Variants in TBCD observed in about 807,000 individuals in gnomAD.
TBCD encodes the protein tubulin folding cofactor D.
A neutral mutation model predicts 169.3 loss-of-function variants in TBCD; 105 were observed. The ratio of observed to expected loss-of-function variants is 0.62; its 90% CI spans 0.53 to 0.73. TBCD has a LOEUF of 0.73. Ranked by LOEUF, TBCD falls within the 30% of genes least tolerant of loss-of-function variation. TBCD has a pLI of 0.00. For synonymous variants in TBCD, 700 were observed against 643.9 expected (o/e 1.09, Z -1.32); for missense variants, 1,444 against 1,600.1 (o/e 0.90, Z 1.66).
Position 82,943,014 on chromosome 17 carries a change from T to G in TBCD, c.*551T>G. ...CGTCTGCCTGGTGGGGGTGCTGTCC[T>G]CCCCCCTGTGCACACGTGAGCATCG... is the stretch of plus-strand genomic sequence containing the variant. On this transcript the variant is annotated 3_prime_UTR_variant, in exon 39 of 39. Coordinates refer to ENST00000355528, the MANE Select transcript of TBCD (RefSeq NM_005993.5). 1 of 168,886 alleles carries G rather than the reference T, an allele frequency of 5.9e-6. No homozygotes were observed. The highest frequency in any genetic ancestry group is 1.3e-5 in the Non-Finnish European group (1 of 79,226). 10.5% of individuals were successfully genotyped at this position (168,886 alleles called of 1,614,324 possible). A position where few individuals can be genotyped will look rare whatever the true frequency, so the allele number is the denominator to read the frequency against.
intron 17 of TBCD, among the ~76,000 whole-genome samples, chr17:82,898,744 G>A (rs1326489246): frequency 1.3e-5 from 2 of 152,136 alleles, no homozygotes; most frequent in Non-Finnish European, 2.9e-5. Flanking sequence ...TCTGGGTTTC[G>A]AGTCATAATT....
intron 22 of TBCD, among the ~76,000 whole-genome samples, chr17:82,910,729 C>G (rs2060578239): frequency 6.6e-6 from 1 of 152,112 alleles, no homozygotes; most frequent in Admixed American, 6.5e-5. Flanking sequence ...TCATGCCCAC[C>G]TAATTTTTGT....
At position 82,920,362 on chromosome 17, in the gene TBCD, G is replaced by A. The variant is rs575518845; in HGVS notation, c.2039-194G>A. On this transcript the variant is annotated intron_variant, in intron 23 of 38. Coordinates refer to ENST00000355528, the MANE Select transcript of TBCD (RefSeq NM_005993.5). The surrounding 1 kb of genome is among the most constrained non-coding windows in gnomAD (Gnocchi z 4.1). ...CACTTTCTTCAGGCTGCTCAGCGGA[G>A]GAGGCGTCTTGGGCTTCTCATGGTG... 14 of 618,416 alleles carry A rather than the reference G, an allele frequency of 2.3e-5. No homozygotes were observed. The highest frequency in any genetic ancestry group is 9.0e-5 in the Admixed American group (3 of 33,432). 38.3% of individuals were successfully genotyped at this position (618,416 alleles called of 1,614,324 possible).
Position 82,779,236 on chromosome 17 carries a change from C to A in TBCD, c.639-2353C>A, listed in dbSNP as rs571821649. 6.7e-3 allele frequency among the ~76,000 whole-genome samples: 1,005 copies of A among 150,830 alleles called. 12 individuals carry two copies. Among genetic ancestry groups the A allele is most frequent in the African/African-American group, 0.023 (959 of 41,002 alleles). The stretch of plus-strand genomic sequence containing the variant: ...AGACAGGCTGTTCTCGAACTTCTGA[C>A]GTCGTGATTCACCTGCCTTGGCCTC... On this transcript the variant is annotated intron_variant, in intron 6 of 38. Transcript: ENST00000355528.
At position 82,762,315 on chromosome 17, in the gene TBCD, C is replaced by CAAA. The variant is rs35386796; in HGVS notation, c.236-1633_236-1631dup. 3.4e-4 allele frequency among the ~76,000 whole-genome samples: 31 copies of CAAA among 91,416 alleles called. 1 individual carries two copies. Among genetic ancestry groups the CAAA allele is most frequent in the African/African-American group, 1.1e-3 (25 of 22,994 alleles). The allele number at this position is 91,416 out of a possible 152,430, so 60.0% of individuals were successfully genotyped here. A position where few individuals can be genotyped will look rare whatever the true frequency, so the allele number is the denominator to read the frequency against. ...TGGGTGATAGAGCGAGACTCCGTCT[C>CAAA]AAAAAAAAAAAAAAAAAAAGTAATG... is the stretch of plus-strand genomic sequence containing the variant. On this transcript the variant is annotated intron_variant, in intron 2 of 38. Coordinates refer to ENST00000355528, the MANE Select transcript of TBCD (RefSeq NM_005993.5).
intron 34 of TBCD, 89 bp from the exon 35 acceptor site, chr17:82,937,182 A>T: frequency 1.7e-6 from 2 of 1,208,702 alleles, no homozygotes; most frequent in Non-Finnish European, 2.4e-6. Context: ...CACTGGGAGG[A>T]CGGAGTTGAC....
Position 82,903,267 on chromosome 17 carries a change from G to A in TBCD, c.1731-138G>A, listed in dbSNP as rs1004429856. On this transcript the variant is annotated intron_variant, in intron 18 of 38. Coordinates refer to ENST00000355528, the MANE Select transcript of TBCD (RefSeq NM_005993.5). This position sits in a 1 kb window ranked among gnomAD's most constrained non-coding sequence, Gnocchi z 4.8. Reference sequence around the variant, plus strand: ...GAGTCGGAGGTTCTTGTACTGGTTCGTGTGAGTGAGTGAGTGAGCCTCTGC... The same window carrying A: ...GAGTCGGAGGTTCTTGTACTGGTTCATGTGAGTGAGTGAGTGAGCCTCTGC... 2.6e-5 allele frequency: 19 copies of A among 740,852 alleles called. No homozygotes were observed. Among genetic ancestry groups the A allele is most frequent in the African/African-American group, 2.5e-4 (14 of 57,140 alleles). The allele number at this position is 740,852 out of a possible 1,614,324, so 45.9% of individuals were successfully genotyped here.
rs751236472 is a variant in TBCD at position 82,831,927 on chromosome 17, G to A, written c.1318+16993G>A. The A allele has an allele frequency of 3.7e-6, 6 of 1,614,070 alleles. No individual in the cohort carries two copies. Among genetic ancestry groups the A allele is most frequent in the African/African-American group, 2.7e-5 (2 of 74,942 alleles). ...GTAAAGCCAGTGTCTCGGGCGCCTC[G>A]GCGTTGTCTGGCCCCTTGAGTCTGT... On this transcript the variant is annotated intron_variant, in intron 13 of 38. Coordinates refer to ENST00000355528, the MANE Select transcript of TBCD (RefSeq NM_005993.5). This position sits in a 1 kb window ranked among gnomAD's most constrained non-coding sequence, Gnocchi z 4.6.
chr17:82,816,700 A>G (rs1567828277), intron 13 of TBCD, among the ~76,000 whole-genome samples: 1 of 148,668 alleles, frequency 6.7e-6, no homozygotes, highest in South Asian at 2.1e-4. Flanking sequence ...TGCCACATTA[A>G]TTTTTTTTTT....
chr17:82,903,305 T>A lies in TBCD; in HGVS notation c.1731-100T>A, dbSNP rs1181109538. 5.2e-6 allele frequency: 6 copies of A among 1,145,678 alleles called. No homozygotes were observed. The African/African-American group carries it at 9.2e-5, about 18-fold the overall frequency. 71.0% of individuals were successfully genotyped at this position (1,145,678 alleles called of 1,614,324 possible). On this transcript the variant is annotated intron_variant, in intron 18 of 38. Transcript: ENST00000355528. The surrounding 1 kb of genome is among the most constrained non-coding windows in gnomAD (Gnocchi z 4.8). ...AGTGAGCCTCTGCTAAGTGGCCGGT[T>A]GAGGACTCGTGTGTTGTCTCCCTCA...
intron 6 of TBCD, among the ~76,000 whole-genome samples, chr17:82,778,874 G>C (rs999715445): frequency 6.6e-6 from 1 of 151,936 alleles, no homozygotes; most frequent in East Asian, 1.9e-4. Flanking sequence ...AGTGGCCAGG[G>C]TGGTCTCAAA....
At chr17:82,867,944 A>G (rs80191757) in intron 13 of TBCD, among the ~76,000 whole-genome samples, 3,744 of 152,014 alleles carry the variant, frequency 0.025, 179 homozygotes, top group African/African-American at 0.085. Context: ...CCCCAGGGGG[A>G]GGACTCCGGG....
chr17:82,866,564 G>A lies in TBCD; in HGVS notation c.1319-3660G>A, dbSNP rs1386672240. ...CCTGACGTCTCTTGCGGGTGTCATG[G>A]AGCAGGATTGGAGGTTTCTGAGCAG... On this transcript the variant is annotated intron_variant, in intron 13 of 38. Transcript: ENST00000355528. 2.0e-5 allele frequency among the ~76,000 whole-genome samples: 3 copies of A among 152,324 alleles called. No individual in the cohort carries two copies. The East Asian group carries it at 5.8e-4, about 29-fold the overall frequency.
intron 2 of TBCD, among the ~76,000 whole-genome samples, chr17:82,761,553 G>A (rs181657873): frequency 1.3e-5 from 2 of 152,232 alleles, no homozygotes; most frequent in Admixed American, 1.3e-4. Flanking sequence ...GGGAACCACT[G>A]TTGGTTAATG....
At chr17:82,908,420 G>C (rs769980172) in intron 21 of TBCD, 11 of 456,408 alleles carry the variant, frequency 2.4e-5, no homozygotes, top group South Asian at 1.6e-4. Context: ...GATTCTCAAA[G>C]GCTTCTGTGA....
intron 13 of TBCD, among the ~76,000 whole-genome samples, chr17:82,846,077 T>G (rs1333658787): frequency 6.6e-6 from 1 of 152,222 alleles, no homozygotes; most frequent in African/African-American, 2.4e-5. Flanking sequence ...ACCTCTCGCC[T>G]GGCTGTGTTG....
intron 17 of TBCD, among the ~76,000 whole-genome samples, chr17:82,897,347 G>T (rs558110488): frequency 1.3e-5 from 2 of 151,782 alleles, no homozygotes; most frequent in Non-Finnish European, 2.9e-5. Context: ...GTGAAACCCC[G>T]TCTCTACCAA....
chr17:82,923,591 C>T lies in TBCD; in HGVS notation c.2179-61C>T, dbSNP rs1382228568. 4.3e-6 allele frequency: 6 copies of T among 1,399,454 alleles called. No homozygotes were observed. Among genetic ancestry groups the T allele is most frequent in the Admixed American group, 2.0e-5 (1 of 49,518 alleles). The allele number at this position is 1,399,454 out of a possible 1,614,324, so 86.7% of individuals were successfully genotyped here. A position where few individuals can be genotyped will look rare whatever the true frequency, so the allele number is the denominator to read the frequency against. On this transcript the variant is annotated intron_variant, in intron 25 of 38. Coordinates refer to ENST00000355528, the MANE Select transcript of TBCD (RefSeq NM_005993.5). The surrounding 1 kb of genome is among the most constrained non-coding windows in gnomAD (Gnocchi z 4.6). ...CGACTTCAGAGTGACCTGCTCTGTC[C>T]CTGGCCGGGGGCTTCTCCGAGCAGA...
chr17:82,890,347 C>A lies in TBCD; in HGVS notation c.1563+650C>A, dbSNP rs989847448. On this transcript the variant is annotated intron_variant, in intron 16 of 38. Transcript: ENST00000355528. This position sits in a 1 kb window ranked among gnomAD's most constrained non-coding sequence, Gnocchi z 5.3. ...CTGGACCTGGGCGGGGAGCAAAGTT[C>A]CCACGAGAAGTCAGCCGAGAAGGCT... Among the ~76,000 whole-genome samples the A allele has an allele frequency of 6.6e-6, 1 of 152,116 alleles. No homozygotes were observed.
Sources: gnomAD v4.1 joint callset for allele counts (sites outside exome capture counted in the v4.1 genomes callset) on GRCh38, gnomAD v4.1.1 for gene constraint, Gnocchi (gnomAD v3.1) non-coding constraint, MANE v1.5 for transcripts, NCBI Gene and HGNC (gene_info 2026-07-23, HGNC 2026-07-21) for gene names.